The following DHX34 variants were observed in gnomAD, a reference collection of about 807,000 sequenced individuals.
DHX34 encodes probable ATP-dependent RNA helicase DHX34.
Under a neutral mutation model 111.1 loss-of-function variants are expected in DHX34, and 96 were observed. The observed-to-expected ratio is 0.86, with a 90% CI of 0.73 to 1.02. The LOEUF (loss-of-function observed/expected upper bound fraction) is 1.02. Among genes scored for constraint, DHX34 ranks in the 50% least tolerant of loss-of-function variants. The pLI, the probability that DHX34 is intolerant of heterozygous loss-of-function variation, is 0.00. For missense variants in DHX34, 1,560 were observed against 1,579.9 expected (o/e 0.99, Z 0.21); for synonymous variants, 688 against 670.4 (o/e 1.03, Z -0.41).
intron 12 of DHX34, 193 bp downstream of exon 12, chr19:47,376,753 C>T (rs2122352704): frequency 4.8e-6 from 7 of 1,445,490 alleles, no homozygotes; most frequent in Middle Eastern, 5.0e-4. Context: ...TGGGCCTCAC[C>T]TTCCGCATGG....
chr19:47,371,842 T>C (rs1969974133), intron 7 of DHX34, among the ~76,000 whole-genome samples: 1 of 151,906 alleles, frequency 6.6e-6, no homozygotes, highest in African/African-American at 2.4e-5. Context: ...TCAGGTGATC[T>C]GCTTGAGTCC....
intron 7 of DHX34, among the ~76,000 whole-genome samples, chr19:47,371,445 C>T (rs1425258451): frequency 6.6e-6 from 1 of 152,158 alleles, no homozygotes; most frequent in African/African-American, 2.4e-5. Flanking sequence ...TGCTGTTGTT[C>T]CCCCGTTTAC....
rs762513967 is a variant in DHX34, at chr19:47,382,025, T to G, written c.3344T>G (p.Leu1115Arg). 1 of 1,614,112 alleles carries G rather than the reference T, an allele frequency of 6.2e-7. No homozygotes were observed. The highest frequency in any genetic ancestry group is 8.5e-7 in the Non-Finnish European group (1 of 1,180,000). ...GAAACCCTCCAGAAGACATCTGTCCTGCAGAGGCCCTACCACTGCGAGGCC... is the reference window on the plus strand; with the variant it reads ...GAAACCCTCCAGAAGACATCTGTCCGGCAGAGGCCCTACCACTGCGAGGCC... ...ALETLQKTSVLQRPYHCEACG... is the reference protein window; with the variant it reads ...ALETLQKTSVRQRPYHCEACG... Residue 1115 changes from leucine to arginine, a missense_variant, in exon 17 of 17, where the codon CTG becomes CGG. Transcript: ENST00000328771.
chr19:47,363,433 G>A (rs1309461206), intron 6 of DHX34, among the ~76,000 whole-genome samples: 10 of 152,022 alleles, frequency 6.6e-5, no homozygotes, highest in Admixed American at 6.6e-4. Flanking sequence ...AGAGTGTCAG[G>A]GTCAGGAAGG....
intron 3 of DHX34, chr19:47,357,620 C>T (rs929467301): frequency 2.2e-6 from 1 of 456,904 alleles, no homozygotes; most frequent in African/African-American, 2.1e-5. Flanking sequence ...AGGAATTATC[C>T]AGACTGAAAT....
Position 47,382,206 on chromosome 19 carries a change from G to C in DHX34, c.*93G>C, listed in dbSNP as rs745583331. ...ACTCTTGCCTGAACCCCCAGCCTGG[G>C]CTTAGCCCTGTGGTCCTGTCCCAGT... On this transcript the variant is annotated 3_prime_UTR_variant, in exon 17 of 17. Transcript: ENST00000328771. The C allele has an allele frequency of 1.2e-5, 19 of 1,540,722 alleles. No individual in the cohort carries two copies. Among genetic ancestry groups the C allele is most frequent in the Non-Finnish European group, 1.7e-5 (19 of 1,147,176 alleles).
At chr19:47,368,669 CACAT>C (rs905173101) in intron 7 of DHX34, among the ~76,000 whole-genome samples, 4 of 150,232 alleles carry the variant, frequency 2.7e-5, no homozygotes, top group Admixed American at 2.7e-4. Context: ...CACATACACA[CACAT>C]ATATATACAT....
intron 13 of DHX34, among the ~76,000 whole-genome samples, chr19:47,378,113 A>C (rs1970228872): frequency 6.6e-6 from 1 of 152,094 alleles, no homozygotes; most frequent in African/African-American, 2.4e-5. Context: ...CTGGCTCACT[A>C]CCAGCACTCC....
intron 9 of DHX34, 140 bp downstream of exon 9, chr19:47,373,840 C>T: frequency 1.8e-6 from 2 of 1,133,530 alleles, no homozygotes; most frequent in South Asian, 3.1e-5. Flanking sequence ...CACCCGGTGA[C>T]CAGGTGTTGG....
At chr19:47,350,499 G>A (rs1969252949) in intron 1 of DHX34, among the ~76,000 whole-genome samples, 1 of 150,152 alleles carries the variant, frequency 6.7e-6, no homozygotes, top group South Asian at 2.1e-4. Flanking sequence ...TTGGCTCACT[G>A]CAACCTCTGC....
intron 6 of DHX34, among the ~76,000 whole-genome samples, chr19:47,363,733 G>C (rs900846114): frequency 6.6e-6 from 1 of 150,398 alleles, no homozygotes; most frequent in African/African-American, 2.5e-5. Flanking sequence ...CAGGAGAATT[G>C]CTTGAACCCA....
At chr19:47,352,069 C>T (rs879455969) in intron 1 of DHX34, among the ~76,000 whole-genome samples, 28 of 152,342 alleles carry the variant, frequency 1.8e-4, no homozygotes, top group Admixed American at 5.9e-4. Context: ...CTATTACTGC[C>T]TGTGGAGACA....
intron 14 of DHX34, 111 bp downstream of exon 14, chr19:47,380,096 G>A: frequency 6.9e-7 from 1 of 1,444,788 alleles, no homozygotes; most frequent in Non-Finnish European, 9.2e-7. Flanking sequence ...GGGCACATTT[G>A]GGGGTTTTCA....
At chr19:47,357,017 C>T (rs920597120) in intron 3 of DHX34, among the ~76,000 whole-genome samples, 10 of 151,958 alleles carry the variant, frequency 6.6e-5, no homozygotes, top group Non-Finnish European at 1.2e-4. Flanking sequence ...TTAGTAGAGA[C>T]GACGTGTTGC....
At position 47,376,499 on chromosome 19, in the gene DHX34, TG is replaced by T. The variant is rs1473511399; in HGVS notation, c.2540del (p.Gly847AlafsTer26). The T allele has an allele frequency of 1.9e-6, 3 of 1,604,970 alleles. No homozygotes were observed. Among genetic ancestry groups the T allele is most frequent in the Non-Finnish European group, 2.6e-6 (3 of 1,176,278 alleles). Reference sequence around the variant, plus strand: ...TGCTGCACCCCACCTGCGTCTTCGCTGGCAGCCCCGAGGTGCTGCACGCACA... The same window carrying T: ...TGCTGCACCCCACCTGCGTCTTCGCTGCAGCCCCGAGGTGCTGCACGCACA... ...AVLHPTCVFAGSPEVLHAQEL... is the reference protein window; with the variant it reads ...AVLHPTCVFAXSPEVLHAQEL... On this transcript the variant is annotated frameshift_variant, in exon 12 of 17. Transcript: ENST00000328771. LOFTEE classifies it high-confidence loss of function.
chr19:47,352,744 C>G lies in DHX34; in HGVS notation c.-277-10C>G. ...AAAGAGAATTAATGTCTTCTGTTCT[C>G]TCTCTTAAGAATCCAGGGCCTGAAA... On this transcript the variant is annotated splice_polypyrimidine_tract_variant and intron_variant, in intron 1 of 16. Transcript: ENST00000328771. 1 of 452,054 alleles carries G rather than the reference C, an allele frequency of 2.2e-6. No homozygotes were observed. Among genetic ancestry groups the G allele is most frequent in the Admixed American group, 3.9e-5 (1 of 25,382 alleles). 28.0% of individuals were successfully genotyped at this position (452,054 alleles called of 1,614,324 possible).
In DHX34 at chr19:47,367,802, C is replaced by G. The variant is rs11879833; in HGVS notation, c.1768+647C>G. On this transcript the variant is annotated intron_variant, in intron 7 of 16. Transcript: ENST00000328771. ...ACTTGGGAGGGTGAGGTAGGAGAATCGCTTGAACCTGGGAGGTAGAGGTTG... is the reference window on the plus strand; with the variant it reads ...ACTTGGGAGGGTGAGGTAGGAGAATGGCTTGAACCTGGGAGGTAGAGGTTG... 2.0e-5 allele frequency among the ~76,000 whole-genome samples: 3 copies of G among 149,810 alleles called. No homozygotes were observed. The East Asian group carries it at 5.9e-4, about 30-fold the overall frequency.
At chr19:47,354,336 A>G (rs556200216) in intron 2 of DHX34, among the ~76,000 whole-genome samples, 1 of 152,184 alleles carries the variant, frequency 6.6e-6, no homozygotes, top group East Asian at 1.9e-4. Context: ...CTTCTGTCTC[A>G]TGGTGGTCAT....
At chr19:47,370,921 G>C (rs942284233) in intron 7 of DHX34, among the ~76,000 whole-genome samples, 1 of 152,212 alleles carries the variant, frequency 6.6e-6, no homozygotes, top group Non-Finnish European at 1.5e-5. Context: ...TGATCCGCCA[G>C]CCTCGGCATC....
Sources: allele counts gnomAD v4.1 joint callset (sites outside exome capture counted in the v4.1 genomes callset), GRCh38; gene constraint gnomAD v4.1.1; transcripts MANE v1.5; gene names NCBI Gene and HGNC (gene_info 2026-07-23, HGNC 2026-07-21).